Variants in SMC4 observed in about 807,000 individuals in gnomAD.
The protein encoded by SMC4 is structural maintenance of chromosomes protein 4.
SMC4 carries 87 observed loss-of-function variants against 145.6 expected under a neutral mutation model. The ratio of observed to expected loss-of-function variants is 0.60; its 90% CI spans 0.50 to 0.71. The LOEUF is 0.71. SMC4 is among the 30% of genes least tolerant of loss of function. The pLI, the probability that SMC4 is intolerant of heterozygous loss-of-function variation, is 0.00. For synonymous variants in SMC4, 558 were observed against 500.7 expected (o/e 1.11, Z -1.53); for missense variants, 1,447 against 1,537.1 (o/e 0.94, Z 0.98).
rs747139831 is a variant in SMC4 at position 160,414,355 on chromosome 3, T to C, written c.1122-12T>C. 5.1e-6 allele frequency: 8 copies of C among 1,582,194 alleles called. No individual in the cohort carries two copies. Among genetic ancestry groups the C allele is most frequent in the Non-Finnish European group, 6.9e-6 (8 of 1,152,924 alleles). On this transcript the variant is annotated splice_polypyrimidine_tract_variant and intron_variant, in intron 8 of 23. Transcript: ENST00000357388. ...TTCAAAATAATGACTTACAATATAC[T>C]TGCTTTGCTAGGAAACTGAATAAAA...
rs1449051988 is a variant in SMC4 at position 160,411,718 on chromosome 3, C to T, written c.688-202C>T. 3 of 426,752 alleles carry T rather than the reference C, an allele frequency of 7.0e-6. No individual in the cohort carries two copies. In the East Asian group the frequency reaches 1.0e-4, roughly 15 times the overall value. 26.4% of individuals were successfully genotyped at this position (426,752 alleles called of 1,614,324 possible). On this transcript the variant is annotated intron_variant, in intron 5 of 23. Transcript: ENST00000357388. ...GAATATAAATTCATGTTTCATATCT[C>T]CCTGTGTAAAATTAAAACTCTTAGG...
intron 3 of SMC4, 58 bp downstream of exon 3, chr3:160,402,151 C>A: frequency 8.8e-7 from 1 of 1,130,354 alleles, no homozygotes; most frequent in Non-Finnish European, 1.2e-6. Context: ...TAAGGTAATA[C>A]GTTTTTACAA....
Position 160,417,858 on chromosome 3 carries a change from G to C in SMC4, c.1573G>C (p.Glu525Gln), listed in dbSNP as rs1576966994. The change falls in exon 11 of 24, where the codon GAA (glutamate) becomes CAA (glutamine). Residue 525 changes from glutamate (E) to glutamine (Q), a missense_variant. Coordinates refer to ENST00000357388, the MANE Select transcript of SMC4 (RefSeq NM_001002800.3). ...TAVSQLTKAK[E>Q]ALIAASETLK... ...AGTGTCTCAATTAACTAAGGCTAAG[G>C]AAGCTCTAATTGCAGCTTCTGAGAC... is the stretch of plus-strand genomic sequence containing the variant. 1 of 1,613,730 alleles carries C rather than the reference G, an allele frequency of 6.2e-7. No individual in the cohort carries two copies. Among genetic ancestry groups the C allele is most frequent in the South Asian group, 1.1e-5 (1 of 91,062 alleles).
Position 160,419,385 on chromosome 3 carries a change from CAAG to C in SMC4, c.1705_1707del (p.Glu569del). 6.3e-7 allele frequency: 1 copy of C among 1,597,334 alleles called. No individual in the cohort carries two copies. Among genetic ancestry groups the C allele is most frequent in the Non-Finnish European group, 8.5e-7 (1 of 1,175,806 alleles). ...AGAAAAAGAACTTCAAAAACTTACA[CAAG>C]AAGAAACAAACTTTAAAAGTTTGGT... On this transcript the variant is annotated inframe_deletion, in exon 12 of 24. Coordinates refer to ENST00000357388, the MANE Select transcript of SMC4 (RefSeq NM_001002800.3).
At chr3:160,413,181 G>A (rs992140207) in intron 7 of SMC4, among the ~76,000 whole-genome samples, 1 of 150,976 alleles carries the variant, frequency 6.6e-6, no homozygotes, top group South Asian at 2.1e-4. Context: ...ATGGGGTTTC[G>A]CCATGTTGCC....
chr3:160,402,694 G>A lies in SMC4; in HGVS notation c.337G>A (p.Gly113Arg). The change falls in exon 4 of 24, where the codon GGG becomes AGG. Residue 113 changes from glycine (G) to arginine (R), a missense_variant. By Grantham distance (125) the Gly-to-Arg change is moderately radical (BLOSUM62 -2). Transcript: ENST00000357388. ...AATGCAGCGCTTTTCCTGTATTATC[G>A]GGCCAAATGGCAGTGGCAAATCCAA... The part of the protein sequence containing the change: ...PFHKRFSCII[G>R]PNGSGKSNVI... 1 of 1,605,208 alleles carries A rather than the reference G, an allele frequency of 6.2e-7. No individual in the cohort carries two copies. The highest frequency in any genetic ancestry group is 8.5e-7 in the Non-Finnish European group (1 of 1,177,530).
chr3:160,417,686 A>T, intron 10 of SMC4, 37 bp from the exon 11 acceptor site: 2 of 1,476,952 alleles, frequency 1.4e-6, no homozygotes, highest in Non-Finnish European at 1.9e-6. Context: ...TTGAAAGTAA[A>T]TATCTGTCCA....
chr3:160,416,372 A>G lies in SMC4; in HGVS notation c.1394A>G (p.Asp465Gly). The change falls in exon 10 of 24, where the codon GAT (aspartate) becomes GGT (glycine). Residue 465 changes from aspartate (D) to glycine (G), a missense_variant. Asp to Gly is a moderately conservative substitution (Grantham distance 94, BLOSUM62 -1). Transcript: ENST00000357388. ...GAAAAAAAATTAAAGGAAGTTATGG[A>G]TAGCCTTAAACAGGAAACACAAGGG... ...KEEKKLKEVM[D>G]SLKQETQGLQ... The G allele has an allele frequency of 6.3e-7, 1 of 1,597,580 alleles. No homozygotes were observed. Among genetic ancestry groups the G allele is most frequent in the Non-Finnish European group, 8.5e-7 (1 of 1,171,974 alleles).
At chr3:160,431,289 G>T (rs1718376941) in intron 20 of SMC4, 84 bp downstream of exon 20, 1 of 1,200,018 alleles carries the variant, frequency 8.3e-7, no homozygotes, top group Non-Finnish European at 1.1e-6. Context: ...TAGGGGGTTG[G>T]GGTTCTTAAA....
At position 160,431,796 on chromosome 3, in the gene SMC4, C is replaced by T; in HGVS notation, c.3268C>T (p.Leu1090Phe). The T allele has an allele frequency of 6.2e-7, 1 of 1,613,606 alleles. No homozygotes were observed. The highest frequency in any genetic ancestry group is 8.5e-7 in the Non-Finnish European group (1 of 1,179,920). The change falls in exon 21 of 24, where the codon CTC (leucine) becomes TTC (phenylalanine). Residue 1090 changes from leucine (L) to phenylalanine (F), a missense_variant. Transcript: ENST00000357388. ...EARCHEMKPN[L>F]GAIAEYKKKE... ...CCGGTGTCATGAAATGAAACCAAAC[C>T]TCGGTGCCATCGCAGAGTATAAAAA...
intron 17 of SMC4, among the ~76,000 whole-genome samples, chr3:160,427,579 G>C (rs1265515709): frequency 1.3e-5 from 2 of 152,134 alleles, no homozygotes; most frequent in African/African-American, 4.8e-5. Flanking sequence ...ATCCTTATTT[G>C]AAAAGGAATC....
intron 8 of SMC4, 166 bp downstream of exon 8, chr3:160,413,779 G>A (rs1716283420): frequency 4.4e-6 from 2 of 451,422 alleles, no homozygotes; most frequent in African/African-American, 2.1e-5. Context: ...CCAGTTCCTT[G>A]TTACAGATGA....
Position 160,419,381 on chromosome 3 carries a change from TACAC to T in SMC4, c.1697_1700del (p.Thr566LysfsTer24), listed in dbSNP as rs755987299. On this transcript the variant is annotated frameshift_variant, in exon 12 of 24. Coordinates refer to ENST00000357388, the MANE Select transcript of SMC4 (RefSeq NM_001002800.3). LOFTEE classifies it high-confidence loss of function. ...AGAAAGAAAAAGAACTTCAAAAACTTACACAAGAAGAAACAAACTTTAAAAGTTT... is the reference window on the plus strand; with the variant it reads ...AGAAAGAAAAAGAACTTCAAAAACTTAAGAAGAAACAAACTTTAAAAGTTT... The T allele has an allele frequency of 1.3e-6, 2 of 1,591,280 alleles. No homozygotes were observed. Among genetic ancestry groups the T allele is most frequent in the South Asian group, 1.2e-5 (1 of 85,820 alleles).
intron 12 of SMC4, among the ~76,000 whole-genome samples, chr3:160,419,914 G>C (rs1426556729): frequency 6.6e-6 from 1 of 151,848 alleles, no homozygotes; most frequent in Non-Finnish European, 1.5e-5. Flanking sequence ...AGTCCATCCT[G>C]GGCAATATAG....
intron 16 of SMC4, 135 bp from the exon 17 acceptor site, chr3:160,425,939 T>C: frequency 1.6e-6 from 1 of 626,688 alleles, no homozygotes; most frequent in African/African-American, 1.9e-5. Flanking sequence ...ATTTTTTATA[T>C]CAATGGCACA....
At chr3:160,423,690 C>T (rs753954768) in intron 14 of SMC4, 40 bp downstream of exon 14, 17 of 1,594,592 alleles carry the variant, frequency 1.1e-5, no homozygotes, top group Non-Finnish European at 1.4e-5. Flanking sequence ...TTTTTTTCCC[C>T]CCACAGCATT....
rs779838007 is a variant in SMC4, at chr3:160,420,867, A to G, written c.1985A>G (p.Asn662Ser). The G allele has an allele frequency of 3.1e-6, 5 of 1,613,340 alleles. No individual in the cohort carries two copies. The highest frequency in any genetic ancestry group is 3.3e-5 in the Admixed American group (2 of 59,854). ...TGTGTAAACTTCCTTAAAAGACAAA[A>G]TATTGGAGTTGCAACCTTTATAGGT... ...QECVNFLKRQ[N>S]IGVATFIGLD... is the part of the protein sequence containing the mutation. The change falls in exon 13 of 24, where the codon AAT becomes AGT. Residue 662 changes from asparagine to serine, a missense_variant. Physicochemically the swap from Asn to Ser is conservative, Grantham distance 46. Coordinates refer to ENST00000357388, the MANE Select transcript of SMC4 (RefSeq NM_001002800.3).
intron 11 of SMC4, 123 bp downstream of exon 11, chr3:160,418,079 C>T (rs1167313464): frequency 2.6e-6 from 2 of 754,776 alleles, no homozygotes; most frequent in African/African-American, 1.8e-5. Flanking sequence ...TGTATAATCT[C>T]AAAAGAATGA....
chr3:160,433,264 A>T (rs1718607958), intron 23 of SMC4, 55 bp downstream of exon 23: 1 of 1,173,972 alleles, frequency 8.5e-7, no homozygotes, highest in Non-Finnish European at 1.2e-6. Context: ...TATCCTAAAC[A>T]TTACACATGG....
Sources: gnomAD v4.1 joint callset for allele counts (sites outside exome capture counted in the v4.1 genomes callset) on GRCh38, gnomAD v4.1.1 for gene constraint, MANE v1.5 for transcripts, NCBI Gene and HGNC (gene_info 2026-07-23, HGNC 2026-07-21) for gene names.